The following SGK1 variants were observed in gnomAD, a reference collection of about 807,000 sequenced individuals.
The protein encoded by SGK1 is serine/threonine-protein kinase Sgk1.
In SGK1, 26 loss-of-function variants were observed where a neutral mutation model predicts 64.2. The observed-to-expected ratio is 0.40, with a 90% CI of 0.30 to 0.56. The LOEUF is 0.56. SGK1 is among the 20% of genes least tolerant of loss of function. The probability of loss-of-function intolerance (pLI) is 0.38; values close to 1 mark genes in which losing one functional copy is unlikely to be tolerated. For synonymous variants in SGK1, 265 were observed against 239.7 expected (o/e 1.11, Z -0.98); for missense variants, 519 against 645.6 (o/e 0.80, Z 2.12).
At chr6:134,248,874 A>G (rs1017074961) in intron 2 of SGK1, among the ~76,000 whole-genome samples, 1 of 151,854 alleles carries the variant, frequency 6.6e-6, no homozygotes, top group African/African-American at 2.4e-5. Flanking sequence ...CTTTCTTTTT[A>G]TCCCCCTCTC....
At chr6:134,213,342 T>G (rs549647181) in intron 2 of SGK1, among the ~76,000 whole-genome samples, 1 of 152,014 alleles carries the variant, frequency 6.6e-6, no homozygotes, top group East Asian at 1.9e-4. Flanking sequence ...GCCAACATGG[T>G]GAAACCCTGT....
chr6:134,311,174 T>C (rs1258892944), intron 1 of SGK1, among the ~76,000 whole-genome samples: 1 of 152,222 alleles, frequency 6.6e-6, no homozygotes, highest in Non-Finnish European at 1.5e-5. Flanking sequence ...ATGCATTAGA[T>C]TTCTGAGCCA....
At chr6:134,195,646 T>G (rs1775584266) in intron 3 of SGK1, among the ~76,000 whole-genome samples, 1 of 152,204 alleles carries the variant, frequency 6.6e-6, no homozygotes, top group Non-Finnish European at 1.5e-5. Context: ...GTAGATGGTT[T>G]AAGTCATGCA....
chr6:134,312,858 C>T lies in SGK1; in HGVS notation c.69+4534G>A, dbSNP rs557700940. ...CGAGACCTCAGCTCACTACAACCTC[C>T]GCCTCCCTGGTTCAAGCGATTCTCC... On this transcript the variant is annotated intron_variant, in intron 1 of 13. Transcript: ENST00000367858. 1.0e-3 allele frequency among the ~76,000 whole-genome samples: 156 copies of T among 152,240 alleles called. 1 individual carries two copies. The highest frequency in any genetic ancestry group is 3.6e-3 in the African/African-American group (149 of 41,568).
At chr6:134,173,723 G>A (rs1262918364) in intron 5 of SGK1, 157 bp from the exon 6 acceptor site, 2 of 626,618 alleles carry the variant, frequency 3.2e-6, no homozygotes, top group African/African-American at 1.8e-5. Context: ...CATTTCAAAT[G>A]AGTATGGAAA....
intron 2 of SGK1, among the ~76,000 whole-genome samples, chr6:134,248,185 G>A (rs114901892): frequency 2.4e-3 from 372 of 152,154 alleles, no homozygotes; most frequent in African/African-American, 7.5e-3. Flanking sequence ...TGTGCCAAAA[G>A]GCAAAGGGCC....
chr6:134,191,258 A>G (rs770083892), intron 3 of SGK1, among the ~76,000 whole-genome samples: 1 of 152,194 alleles, frequency 6.6e-6, no homozygotes, highest in Non-Finnish European at 1.5e-5. Context: ...GCTATTCATA[A>G]AATCATGAGC....
At chr6:134,315,565 A>C (rs1312937443) in intron 1 of SGK1, among the ~76,000 whole-genome samples, 4 of 152,234 alleles carry the variant, frequency 2.6e-5, no homozygotes, top group Non-Finnish European at 5.9e-5. Flanking sequence ...GATAACAAAG[A>C]AAATAAAAGA....
At chr6:134,229,119 CCGCGCCCAG>C (rs1178462419) in intron 2 of SGK1, among the ~76,000 whole-genome samples, 29 of 152,372 alleles carry the variant, frequency 1.9e-4, no homozygotes, top group Non-Finnish European at 1.3e-4. Flanking sequence ...GCGTGAGCCA[CCGCGCCCAG>C]CGCGGGTCTT....
chr6:134,171,520 T>C (rs1775025114), intron 11 of SGK1, 117 bp downstream of exon 11: 1 of 693,004 alleles, frequency 1.4e-6, no homozygotes, highest in African/African-American at 1.8e-5. Flanking sequence ...ATATGCCTCT[T>C]AGCTGCTTTT....
chr6:134,314,792 G>GTTT (rs61647029), intron 1 of SGK1, among the ~76,000 whole-genome samples: 9 of 138,876 alleles, frequency 6.5e-5, no homozygotes, highest in African/African-American at 1.3e-4. Flanking sequence ...AGACCCTATG[G>GTTT]TTTTTTTTTT....
At chr6:134,212,639 G>A (rs1775910824) in intron 2 of SGK1, among the ~76,000 whole-genome samples, 1 of 152,132 alleles carries the variant, frequency 6.6e-6, no homozygotes, top group Non-Finnish European at 1.5e-5. Flanking sequence ...TTGGTTTTGA[G>A]GGACAGCTTT....
intron 2 of SGK1, among the ~76,000 whole-genome samples, chr6:134,235,887 G>C (rs1271647270): frequency 6.6e-6 from 1 of 151,848 alleles, no homozygotes; most frequent in Non-Finnish European, 1.5e-5. Flanking sequence ...AGATATTTTA[G>C]ATAAGGAACA....
chr6:134,188,908 C>CTTT (rs34316759), intron 3 of SGK1, among the ~76,000 whole-genome samples: 53 of 110,210 alleles, frequency 4.8e-4, no homozygotes, highest in African/African-American at 1.8e-3. Context: ...ATTTCTTTTT[C>CTTT]TTTTTTTTTT....
intron 1 of SGK1, among the ~76,000 whole-genome samples, chr6:134,309,787 G>T (rs1379785068): frequency 6.6e-6 from 1 of 152,092 alleles, no homozygotes; most frequent in Non-Finnish European, 1.5e-5. Flanking sequence ...TCCTTAGCAG[G>T]CAGGAAACAG....
intron 3 of SGK1, among the ~76,000 whole-genome samples, chr6:134,185,107 C>T (rs561325307): frequency 1.4e-4 from 22 of 152,280 alleles, no homozygotes; most frequent in Non-Finnish European, 2.9e-5. Flanking sequence ...CCTCTATGGA[C>T]GATATCATAT....
chr6:134,245,254 G>T (rs1196913665), intron 2 of SGK1, among the ~76,000 whole-genome samples: 1 of 152,202 alleles, frequency 6.6e-6, no homozygotes, highest in Non-Finnish European at 1.5e-5. Flanking sequence ...TATTTACACT[G>T]TAGGCTGTAA....
At position 134,207,365 on chromosome 6, in the gene SGK1, C is replaced by G. The variant is rs1177224393; in HGVS notation, c.352G>C (p.Asp118His). Residue 118 changes from aspartate (D) to histidine (H), a missense_variant, in exon 3 of 14, where the codon GAT becomes CAT. Asp to His is a moderately conservative substitution (Grantham distance 81). This residue lies in a region of SGK1 where 241 missense variants were observed against 236.9 expected (regional missense o/e 1.02). Transcript: ENST00000367858. ...ATTTTTCCAATAATACCTGGATCATCATTAGTCCAGAAGGTTCTTGGATCG... is the reference window on the plus strand; with the variant it reads ...ATTTTTCCAATAATACCTGGATCATGATTAGTCCAGAAGGTTCTTGGATCG... ...KPDPRTFWTN[D>H]DPAFMKQRRM... The G allele has an allele frequency of 1.2e-6, 2 of 1,604,974 alleles. No individual in the cohort carries two copies. Among genetic ancestry groups the G allele is most frequent in the Admixed American group, 1.7e-5 (1 of 59,890 alleles).
intron 1 of SGK1, among the ~76,000 whole-genome samples, chr6:134,303,120 A>G (rs1777483324): frequency 6.6e-6 from 1 of 152,062 alleles, no homozygotes; most frequent in Non-Finnish European, 1.5e-5. Flanking sequence ...GAGGCCAGGC[A>G]CAGTGGCTCA....
Sources: gnomAD v4.1 joint callset for allele counts (sites outside exome capture counted in the v4.1 genomes callset) on GRCh38, gnomAD v4.1.1 for gene constraint, gnomAD v4.1.1 regional missense constraint, MANE v1.5 for transcripts, NCBI Gene and HGNC (gene_info 2026-07-23, HGNC 2026-07-21) for gene names.